Variants in PKIG observed in about 807,000 individuals in gnomAD.
PKIG encodes the protein cAMP-dependent protein kinase inhibitor gamma, also known as protein kinase (cAMP-dependent, catalytic) inhibitor gamma.
PKIG carries 1 observed loss-of-function variant against 6.8 expected under a neutral mutation model. That is an observed-to-expected ratio of 0.15 (90% CI 0.05 to 0.69). The LOEUF is 0.69. PKIG is among the 30% of genes least tolerant of loss of function. The probability of loss-of-function intolerance (pLI) is 0.82; values close to 1 mark genes in which losing one functional copy is unlikely to be tolerated. For missense variants in PKIG, 77 were observed against 104.0 expected (o/e 0.74, Z 1.13); for synonymous variants, 39 against 43.0 (o/e 0.91, Z 0.36).
intron 1 of PKIG, among the ~76,000 whole-genome samples, chr20:44,552,622 A>G (rs892041126): frequency 6.6e-6 from 1 of 152,152 alleles, no homozygotes; most frequent in Non-Finnish European, 1.5e-5. Flanking sequence ...CTGTATATAA[A>G]TCTAACCCAA....
chr20:44,556,882 C>T (rs892113601), intron 1 of PKIG, among the ~76,000 whole-genome samples: 3 of 151,884 alleles, frequency 2.0e-5, no homozygotes, highest in Non-Finnish European at 4.4e-5. Flanking sequence ...CCATGCTTTT[C>T]AAAAAGCCCC....
chr20:44,591,036 GCA>G (rs2065028983), intron 2 of PKIG, among the ~76,000 whole-genome samples: 1 of 152,206 alleles, frequency 6.6e-6, no homozygotes, highest in Non-Finnish European at 1.5e-5. Flanking sequence ...AGCAAAAGTG[GCA>G]CAGTCCTTGC....
At chr20:44,603,132 C>T (rs2065136079) in intron 2 of PKIG, among the ~76,000 whole-genome samples, 1 of 152,138 alleles carries the variant, frequency 6.6e-6, no homozygotes, top group African/African-American at 2.4e-5. Flanking sequence ...GCCAGGGTCA[C>T]CACTTCTGGG....
chr20:44,604,173 G>A (rs897939773), intron 2 of PKIG, among the ~76,000 whole-genome samples: 2 of 152,238 alleles, frequency 1.3e-5, no homozygotes, highest in African/African-American at 2.4e-5. Context: ...GACCTGAAGA[G>A]AGAAAATAAT....
At chr20:44,611,464 C>T (rs973884383) in intron 2 of PKIG, among the ~76,000 whole-genome samples, 2 of 151,966 alleles carry the variant, frequency 1.3e-5, no homozygotes, top group African/African-American at 4.8e-5. Context: ...CCTTTCCTCT[C>T]CTCTCCCCTC....
At chr20:44,553,622 G>A (rs1042856761) in intron 1 of PKIG, among the ~76,000 whole-genome samples, 36 of 152,142 alleles carry the variant, frequency 2.4e-4, no homozygotes, top group African/African-American at 8.4e-4. Flanking sequence ...AACATTTACT[G>A]ATCATCTGTG....
intron 1 of PKIG, among the ~76,000 whole-genome samples, chr20:44,545,451 A>G (rs1380293044): frequency 1.3e-5 from 2 of 152,204 alleles, no homozygotes; most frequent in Admixed American, 6.5e-5. Flanking sequence ...GATAAAGGCA[A>G]ATGGCTAAGA....
intron 1 of PKIG, among the ~76,000 whole-genome samples, chr20:44,538,158 C>G (rs555246995): frequency 6.6e-6 from 1 of 152,318 alleles, no homozygotes; most frequent in East Asian, 1.9e-4. Flanking sequence ...TCCCACAAAC[C>G]TGTAGTCTCT....
intron 2 of PKIG, among the ~76,000 whole-genome samples, chr20:44,611,431 G>A (rs994225408): frequency 6.6e-6 from 1 of 151,824 alleles, no homozygotes; most frequent in African/African-American, 2.4e-5. Context: ...TTGTAACTAT[G>A]TACCCGTTGA....
At chr20:44,577,799 A>T (rs1372128260), upstream of PKIG, among the ~76,000 whole-genome samples, 2 of 152,116 alleles carry the variant, frequency 1.3e-5, no homozygotes, top group Admixed American at 6.5e-5. Flanking sequence ...GAATTTCTTT[A>T]TTCATATACT....
intron 1 of PKIG, among the ~76,000 whole-genome samples, chr20:44,576,997 A>G (rs1339221841): frequency 6.6e-6 from 1 of 152,032 alleles, no homozygotes. Flanking sequence ...AGCCACGTGT[A>G]CTCCAAAACC....
intron 1 of PKIG, among the ~76,000 whole-genome samples, chr20:44,544,064 CAAAA>C (rs543416378): frequency 5.5e-5 from 4 of 72,696 alleles, no homozygotes. Flanking sequence ...AACTCCGCCT[CAAAA>C]AAAAAAAAAA....
chr20:44,589,240 G>A lies in PKIG; in HGVS notation c.-93-557G>A, dbSNP rs557915401. ...TAATCTCAACTAGTCAGGTGGCTGAGAGTGGATGATTGCTTGAGGCCAGGA... is the reference window on the plus strand; with the variant it reads ...TAATCTCAACTAGTCAGGTGGCTGAAAGTGGATGATTGCTTGAGGCCAGGA... On this transcript the variant is annotated intron_variant, in intron 1 of 3. Transcript: ENST00000372886. Among the ~76,000 whole-genome samples the A allele has an allele frequency of 2.6e-3, 398 of 152,204 alleles. 2 individuals carry two copies. Among genetic ancestry groups the A allele is most frequent in the Non-Finnish European group, 3.9e-3 (264 of 68,030 alleles).
At chr20:44,591,178 C>T (rs898514570) in intron 2 of PKIG, among the ~76,000 whole-genome samples, 2 of 151,594 alleles carry the variant, frequency 1.3e-5, no homozygotes, top group Admixed American at 6.6e-5. Context: ...GAAGAGTGGG[C>T]GGGGACAGGC....
chr20:44,554,928 A>T (rs1334760513), intron 1 of PKIG, among the ~76,000 whole-genome samples: 2 of 152,164 alleles, frequency 1.3e-5, no homozygotes, highest in East Asian at 3.8e-4. Context: ...TTCTATAGTA[A>T]TGTGACATTT....
chr20:44,618,379 A>C lies in PKIG; in HGVS notation c.*15A>C. 6.3e-7 allele frequency: 1 copy of C among 1,582,324 alleles called. No individual in the cohort carries two copies. Among genetic ancestry groups the C allele is most frequent in the Non-Finnish European group, 8.7e-7 (1 of 1,150,966 alleles). The stretch of plus-strand genomic sequence containing the variant: ...CCTCGTCTTGAATCTGACCTTGTCC[A>C]AGAAGGCTGGACGAGAGACCTTCTG... On this transcript the variant is annotated 3_prime_UTR_variant, in exon 4 of 4. Coordinates refer to ENST00000372886, the MANE Select transcript of PKIG (RefSeq NM_001281445.2).
chr20:44,560,814 C>T (rs1194188180), intron 1 of PKIG, among the ~76,000 whole-genome samples: 2 of 152,098 alleles, frequency 1.3e-5, no homozygotes, highest in African/African-American at 2.4e-5. Flanking sequence ...AATTTTCTCT[C>T]GAGGAAGATG....
chr20:44,532,698 G>T (rs1184867448), intron 1 of PKIG, among the ~76,000 whole-genome samples: 1 of 152,214 alleles, frequency 6.6e-6, no homozygotes, highest in East Asian at 1.9e-4. Flanking sequence ...GGTGAGGTTA[G>T]TGTGGATGAT....
At position 44,574,780 on chromosome 20, in the gene PKIG, G is replaced by C. The variant is rs2064882221; in HGVS notation, c.-240-7805G>C. ...GTAGAGACAGGGTTTCACCATATTA[G>C]GCTGGTCTCGAACTCCTGACCTCAG... On this transcript the variant is annotated intron_variant, in intron 1 of 4. Transcript: ENST00000372887. Among the ~76,000 whole-genome samples the C allele has an allele frequency of 2.6e-5, 4 of 151,860 alleles. No individual in the cohort carries two copies. In the South Asian group the frequency reaches 8.3e-4, roughly 32 times the overall value.
Sources: allele counts gnomAD v4.1 joint callset (sites outside exome capture counted in the v4.1 genomes callset), GRCh38; gene constraint gnomAD v4.1.1; transcripts MANE v1.5; gene names NCBI Gene and HGNC (gene_info 2026-07-23, HGNC 2026-07-21).